The following CNTN4 variants were observed in gnomAD, a reference collection of about 807,000 sequenced individuals.
CNTN4 encodes contactin 4.
CNTN4 carries 77 observed loss-of-function variants against 122.5 expected under a neutral mutation model. That is an observed-to-expected ratio of 0.63 (90% CI 0.52 to 0.76). The LOEUF (loss-of-function observed/expected upper bound fraction) is 0.76. Among genes scored for constraint, CNTN4 ranks in the 30% least tolerant of loss-of-function variants. The pLI, the probability that CNTN4 is intolerant of heterozygous loss-of-function variation, is 0.00. For synonymous variants in CNTN4, 512 were observed against 447.0 expected (o/e 1.15, Z -1.83); for missense variants, 1,256 against 1,259.1 (o/e 1.00, Z 0.04).
chr3:2,242,107 A>G (rs1012247779), intron 2 of CNTN4, among the ~76,000 whole-genome samples: 3 of 152,202 alleles, frequency 2.0e-5, no homozygotes, highest in African/African-American at 7.2e-5. Context: ...TTATTTTAAA[A>G]TACATTAAAT....
chr3:3,033,766 C>G (rs1320595050), intron 16 of CNTN4, among the ~76,000 whole-genome samples: 1 of 152,168 alleles, frequency 6.6e-6, no homozygotes, highest in Non-Finnish European at 1.5e-5. Context: ...TTTGCTCTGG[C>G]TCTGTTGATA....
At chr3:2,541,827 G>A (rs933456600) in intron 3 of CNTN4, among the ~76,000 whole-genome samples, 2 of 152,060 alleles carry the variant, frequency 1.3e-5, no homozygotes, top group Non-Finnish European at 2.9e-5. Flanking sequence ...TAATTAGCTT[G>A]CTATGAGTGG....
rs1455251325 is a variant in CNTN4 at position 3,034,649 on chromosome 3, G to C, written c.1801G>C (p.Glu601Gln). Residue 601 changes from glutamate (E) to glutamine (Q), a missense_variant, in exon 17 of 25, where the codon GAG becomes CAG. Physicochemically the swap from Glu to Gln is conservative, Grantham distance 29. Transcript: ENST00000418658. ...LIVRGPPGPP[E>Q]AVTIDEITDT... Reference sequence around the variant, plus strand: ...TTTCCCAGGTCCTCCAGGTCCCCCAGAGGCTGTGACAATAGACGAAATCAC... The same window carrying C: ...TTTCCCAGGTCCTCCAGGTCCCCCACAGGCTGTGACAATAGACGAAATCAC... The C allele has an allele frequency of 1.9e-6, 3 of 1,614,172 alleles. No individual in the cohort carries two copies. In the East Asian group the frequency reaches 6.7e-5, roughly 36 times the overall value.
chr3:2,247,025 A>G (rs984301825), intron 2 of CNTN4, among the ~76,000 whole-genome samples: 1 of 152,050 alleles, frequency 6.6e-6, no homozygotes, highest in African/African-American at 2.4e-5. Context: ...ACAAGCATAG[A>G]ATGGGAAATG....
intron 7 of CNTN4, among the ~76,000 whole-genome samples, chr3:2,855,021 T>A (rs1349730149): frequency 1.3e-5 from 2 of 152,262 alleles, no homozygotes; most frequent in Non-Finnish European, 2.9e-5. Flanking sequence ...ATTTAAGTGC[T>A]GATGGTACGA....
At chr3:2,101,768 C>G (rs2031983265) in intron 2 of CNTN4, among the ~76,000 whole-genome samples, 1 of 150,834 alleles carries the variant, frequency 6.6e-6, no homozygotes. Flanking sequence ...CACAAAGAAA[C>G]AAAAAAGATG....
chr3:2,680,877 G>A (rs1378330521), intron 4 of CNTN4, among the ~76,000 whole-genome samples: 2 of 152,096 alleles, frequency 1.3e-5, no homozygotes, highest in South Asian at 4.1e-4. Flanking sequence ...AGATTGACAA[G>A]TACGTTCCAT....
At chr3:2,178,873 A>G (rs1057485916) in intron 2 of CNTN4, among the ~76,000 whole-genome samples, 3 of 152,068 alleles carry the variant, frequency 2.0e-5, no homozygotes, top group Non-Finnish European at 4.4e-5. Flanking sequence ...GACTAACCCA[A>G]AATAGGCTGT....
In CNTN4 at chr3:2,760,748, A is replaced by C. The variant is rs569969068; in HGVS notation, c.358+15051A>C. 1.7e-4 allele frequency among the ~76,000 whole-genome samples: 26 copies of C among 152,302 alleles called. No individual in the cohort carries two copies. In the South Asian group the frequency reaches 5.4e-3, roughly 32 times the overall value. On this transcript the variant is annotated intron_variant, in intron 6 of 24. Transcript: ENST00000418658. Reference sequence around the variant, plus strand: ...TGTAATATAAAATTCAATATCAATAAATTCTGGGCTGTCTGATTTAGGTAA... The same window carrying C: ...TGTAATATAAAATTCAATATCAATACATTCTGGGCTGTCTGATTTAGGTAA...
intron 2 of CNTN4, among the ~76,000 whole-genome samples, chr3:2,213,961 A>T (rs1192040709): frequency 6.6e-6 from 1 of 152,150 alleles, no homozygotes; most frequent in East Asian, 1.9e-4. Flanking sequence ...AGGATAGAAA[A>T]TGCTTGGAGG....
At chr3:2,471,040 G>A (rs531240969) in intron 3 of CNTN4, among the ~76,000 whole-genome samples, 2 of 152,170 alleles carry the variant, frequency 1.3e-5, no homozygotes, top group African/African-American at 4.8e-5. Context: ...AATTAATTTT[G>A]TTGAATGAAT....
intron 2 of CNTN4, among the ~76,000 whole-genome samples, chr3:2,277,418 A>G (rs2149866542): frequency 6.6e-6 from 1 of 152,286 alleles, no homozygotes; most frequent in South Asian, 2.1e-4. Context: ...AGTGGAACAA[A>G]AGTTCCCACT....
At chr3:2,200,685 A>G (rs1037137397) in intron 2 of CNTN4, among the ~76,000 whole-genome samples, 13 of 152,200 alleles carry the variant, frequency 8.5e-5, no homozygotes, top group Non-Finnish European at 1.6e-4. Flanking sequence ...AATGCTCTGC[A>G]GAGACAAAGT....
At chr3:2,146,373 A>T (rs1210972134) in intron 2 of CNTN4, among the ~76,000 whole-genome samples, 1 of 151,878 alleles carries the variant, frequency 6.6e-6, no homozygotes. Flanking sequence ...GTAGATAGAT[A>T]TTACTATCTA....
At chr3:2,939,286 A>C (rs765514177) in intron 13 of CNTN4, among the ~76,000 whole-genome samples, 26 of 152,156 alleles carry the variant, frequency 1.7e-4, no homozygotes, top group Non-Finnish European at 3.2e-4. Context: ...CCTAGAGGGT[A>C]CATATAGTAG....
At position 2,866,538 on chromosome 3, in the gene CNTN4, T is replaced by C. The variant is rs1326505648; in HGVS notation, c.455-214T>C. 2.3e-6 allele frequency: 3 copies of C among 1,305,246 alleles called. No individual in the cohort carries two copies. In the Admixed American group the frequency reaches 8.6e-5, roughly 38 times the overall value. 80.9% of individuals were successfully genotyped at this position (1,305,246 alleles called of 1,614,324 possible). A position where few individuals can be genotyped will look rare whatever the true frequency, so the allele number is the denominator to read the frequency against. ...CTTAATCAGCTATCAGTGTATCTTTTACTTCTCTGGAAATAAAACCTTATT... is the reference window on the plus strand; with the variant it reads ...CTTAATCAGCTATCAGTGTATCTTTCACTTCTCTGGAAATAAAACCTTATT... On this transcript the variant is annotated intron_variant, in intron 7 of 24. Coordinates refer to ENST00000418658, the MANE Select transcript of CNTN4 (RefSeq NM_175607.3).
chr3:3,053,133 C>T (rs1701432514), intron 23 of CNTN4, among the ~76,000 whole-genome samples: 1 of 152,194 alleles, frequency 6.6e-6, no homozygotes, highest in Non-Finnish European at 1.5e-5. Context: ...CTCCCGGGTG[C>T]AAGCAATTCT....
intron 14 of CNTN4, among the ~76,000 whole-genome samples, chr3:3,009,699 C>T (rs1574810010): frequency 6.6e-6 from 1 of 152,174 alleles, no homozygotes; most frequent in South Asian, 2.1e-4. Context: ...TCCCATAGTG[C>T]TGGGATTACA....
In CNTN4 at chr3:2,102,142, G is replaced by C. The variant is rs550191022; in HGVS notation, c.-145+1503G>C. ...TTAAAAAATGGAGTTTTAGTTTAAA[G>C]ACTAAGTACCAATGGTCAGGAAGTG... On this transcript the variant is annotated intron_variant, in intron 2 of 24. Coordinates refer to ENST00000418658, the MANE Select transcript of CNTN4 (RefSeq NM_175607.3). 5.9e-5 allele frequency among the ~76,000 whole-genome samples: 9 copies of C among 152,350 alleles called. No homozygotes were observed. The South Asian group carries it at 1.9e-3, about 32-fold the overall frequency.
Sources: gnomAD v4.1 joint callset for allele counts (sites outside exome capture counted in the v4.1 genomes callset) on GRCh38, gnomAD v4.1.1 for gene constraint, MANE v1.5 for transcripts, NCBI Gene and HGNC (gene_info 2026-07-23, HGNC 2026-07-21) for gene names.